The following OCA2 variants were observed in gnomAD, a reference collection of about 807,000 sequenced individuals.
The protein encoded by OCA2 is OCA2 melanosomal transmembrane protein.
Under a neutral mutation model 100.2 loss-of-function variants are expected in OCA2, and 77 were observed. The ratio of observed to expected loss-of-function variants is 0.77; its 90% CI spans 0.64 to 0.93. OCA2 has a LOEUF of 0.93. Ranked by LOEUF, OCA2 falls within the 40% of genes least tolerant of loss-of-function variation. The probability of loss-of-function intolerance (pLI) is 0.00; values close to 1 mark genes in which losing one functional copy is unlikely to be tolerated. For missense variants in OCA2, 1,062 were observed against 1,089.1 expected, an observed-to-expected ratio of 0.98 and a Z score of 0.35; for synonymous variants, 432 against 439.2, an observed-to-expected ratio of 0.98 and a Z score of 0.21.
At chr15:27,986,988 G>T (rs1008756741) in intron 11 of OCA2, among the ~76,000 whole-genome samples, 1 of 152,200 alleles carries the variant, frequency 6.6e-6, no homozygotes, top group Non-Finnish European at 1.5e-5. Context: ...GAGGTGGGTT[G>T]CTCACAGCCA....
chr15:27,959,710 G>A (rs2140734020), intron 15 of OCA2, among the ~76,000 whole-genome samples: 1 of 152,260 alleles, frequency 6.6e-6, no homozygotes, highest in South Asian at 2.1e-4. Flanking sequence ...CTATGCTGGT[G>A]GAGCTGACCT....
chr15:28,030,885 C>T (rs4778231), intron 3 of OCA2, among the ~76,000 whole-genome samples: 18,614 of 152,216 alleles, frequency 0.12, 1,338 homozygotes, highest in Middle Eastern at 0.25. Flanking sequence ...GTGGCCTTTT[C>T]TCTGATTCTA....
intron 14 of OCA2, among the ~76,000 whole-genome samples, chr15:27,980,317 C>T (rs936944758): frequency 1.3e-5 from 2 of 151,870 alleles, no homozygotes; most frequent in African/African-American, 2.4e-5. Context: ...TTAGTAGAGA[C>T]GGGGTTTCAC....
intron 2 of OCA2, among the ~76,000 whole-genome samples, chr15:28,041,410 G>C (rs1330765997): frequency 2.0e-5 from 3 of 152,062 alleles, no homozygotes; most frequent in Non-Finnish European, 4.4e-5. Context: ...AAAACGCACA[G>C]CTAACATCAC....
intron 1 of OCA2, among the ~76,000 whole-genome samples, chr15:28,097,970 C>T (rs1027391016): frequency 2.0e-5 from 3 of 152,166 alleles, no homozygotes; most frequent in Admixed American, 6.5e-5. Flanking sequence ...AGCATAGAAA[C>T]GGGGACCCAG....
intron 18 of OCA2, among the ~76,000 whole-genome samples, chr15:27,948,457 GTTTT>G (rs1229974786): frequency 7.9e-5 from 12 of 151,970 alleles, no homozygotes; most frequent in African/African-American, 2.7e-4. Context: ...GTTTTTTGGG[GTTTT>G]TTTGTTTTCT....
chr15:27,720,530 A>G, the OCA2 span, among the ~76,000 whole-genome samples: 1 of 151,046 alleles, frequency 6.6e-6, no homozygotes, highest in African/African-American at 2.4e-5. Context: ...ATTCATCTAC[A>G]TATGTATGTT....
intron 2 of OCA2, among the ~76,000 whole-genome samples, chr15:28,038,128 C>G (rs750665405): frequency 6.6e-6 from 1 of 152,170 alleles, no homozygotes; most frequent in South Asian, 2.1e-4. Flanking sequence ...CTCTTGTTTG[C>G]GGCCTGTTTT....
the OCA2 span, among the ~76,000 whole-genome samples, chr15:27,736,919 A>C: frequency 3.3e-5 from 5 of 152,342 alleles, no homozygotes; most frequent in African/African-American, 1.2e-4. Flanking sequence ...ATTATTTATT[A>C]TGACATACTT....
chr15:27,939,416 T>C (rs1376837121), intron 18 of OCA2, among the ~76,000 whole-genome samples: 1 of 152,236 alleles, frequency 6.6e-6, no homozygotes, highest in Non-Finnish European at 1.5e-5. Context: ...ATATGAATAT[T>C]ATGCTCCCTA....
At chr15:27,974,063 T>C (rs1186887563) in intron 14 of OCA2, among the ~76,000 whole-genome samples, 1 of 152,234 alleles carries the variant, frequency 6.6e-6, no homozygotes, top group Non-Finnish European at 1.5e-5. Flanking sequence ...AATTCATTTA[T>C]CAAATCTAGG....
chr15:27,813,377 C>T (rs759418040), intron 23 of OCA2, among the ~76,000 whole-genome samples: 1 of 152,076 alleles, frequency 6.6e-6, no homozygotes, highest in African/African-American at 2.4e-5. Context: ...TCACTGGCAC[C>T]CCCCATATAC....
intron 2 of OCA2, among the ~76,000 whole-genome samples, chr15:28,041,071 G>A (rs184235011): frequency 1.0e-3 from 156 of 152,094 alleles, no homozygotes; most frequent in African/African-American, 3.5e-3. Context: ...ACTACAAACC[G>A]ATATTCCTGG....
intron 23 of OCA2, among the ~76,000 whole-genome samples, chr15:27,793,343 C>A (rs1184886252): frequency 6.6e-6 from 1 of 151,596 alleles, no homozygotes; most frequent in Non-Finnish European, 1.5e-5. Flanking sequence ...AGAATGATGT[C>A]TATACTCTTC....
rs114077464 is a variant in OCA2 at position 27,854,695 on chromosome 15, C to T, written c.2245-3220G>A. On this transcript the variant is annotated intron_variant, in intron 21 of 23. Coordinates refer to ENST00000354638, the MANE Select transcript of OCA2 (RefSeq NM_000275.3). The stretch of plus-strand genomic sequence containing the variant: ...TGTCTTCGTTCTTCGGAGGAGTGAG[C>T]GAAGTGCAACTTCTCACAACAGCCA... 7.9e-4 allele frequency among the ~76,000 whole-genome samples: 121 copies of T among 152,238 alleles called. 1 individual carries two copies. Among genetic ancestry groups the T allele is most frequent in the African/African-American group, 2.9e-3 (119 of 41,542 alleles).
At chr15:27,850,906 T>A (rs1021787486) in intron 22 of OCA2, among the ~76,000 whole-genome samples, 1 of 152,010 alleles carries the variant, frequency 6.6e-6, no homozygotes, top group African/African-American at 2.4e-5. Context: ...CTCCCAACAC[T>A]CTCTCTAATC....
In OCA2 at chr15:28,016,139, G is replaced by C; in HGVS notation, c.855C>G (p.His285Gln). The C allele has an allele frequency of 6.2e-7, 1 of 1,614,210 alleles. No individual in the cohort carries two copies. Among genetic ancestry groups the C allele is most frequent in the Non-Finnish European group, 8.5e-7 (1 of 1,180,048 alleles). ...TVYLNPRRSE[H>Q]SVMSRTFEVL... The stretch of plus-strand genomic sequence containing the variant: ...CCTCAAAGGTCCTGCTCATCACTGA[G>C]TGCTCGCTTCTCCTCGGATTTAAAT... The change falls in exon 8 of 24, where the codon CAC (histidine) becomes CAG (glutamine). Residue 285 changes from histidine (H) to glutamine (Q), a missense_variant. Transcript: ENST00000354638.
chr15:27,812,570 T>C (rs576921561), intron 23 of OCA2, among the ~76,000 whole-genome samples: 14 of 152,388 alleles, frequency 9.2e-5, no homozygotes, highest in African/African-American at 3.1e-4. Context: ...TTAAGCTGCA[T>C]TGTGAAATGA....
chr15:27,772,497 G>A (rs2031939533), intron 23 of OCA2, among the ~76,000 whole-genome samples: 1 of 152,158 alleles, frequency 6.6e-6, no homozygotes, highest in South Asian at 2.1e-4. Context: ...AATATATGAT[G>A]AATTTTGTAG....
Sources: gnomAD v4.1 joint callset for allele counts (sites outside exome capture counted in the v4.1 genomes callset) on GRCh38, gnomAD v4.1.1 for gene constraint, MANE v1.5 for transcripts, NCBI Gene and HGNC (gene_info 2026-07-23, HGNC 2026-07-21) for gene names.